BARHL1: variants seen among roughly 807,000 people sequenced by gnomAD.
BARHL1 encodes BarH like homeobox 1.
A neutral mutation model predicts 20.1 loss-of-function variants in BARHL1; 2 were observed. That is an observed-to-expected ratio of 0.10 (90% CI 0.04 to 0.31). The LOEUF (loss-of-function observed/expected upper bound fraction) is 0.31. Ranked by LOEUF, BARHL1 falls within the 10% of genes least tolerant of loss-of-function variation. The pLI is 1.00. For synonymous variants in BARHL1, 213 were observed against 209.9 expected (o/e 1.01, Z -0.13); for missense variants, 397 against 454.0 (o/e 0.87, Z 1.14).
At chr9:132,588,583 G>T (rs1830172130) in intron 2 of BARHL1, among the ~76,000 whole-genome samples, 1 of 152,060 alleles carries the variant, frequency 6.6e-6, no homozygotes, top group Non-Finnish European at 1.5e-5. Context: ...CCAGGCCGTT[G>T]GCTGGCCAAG....
chr9:132,587,957 C>T lies in BARHL1; in HGVS notation c.689+406C>T, dbSNP rs7849989. 0.021 allele frequency among the ~76,000 whole-genome samples: 3,166 copies of T among 152,302 alleles called. 107 individuals carry two copies. Among genetic ancestry groups the T allele is most frequent in the African/African-American group, 0.073 (3,015 of 41,546 alleles). ...CCAGGAAGCCTGTGAAGAGGACGGCCAGGCAGTGGCCCTTGGGGTGTTGAA... is the reference window on the plus strand; with the variant it reads ...CCAGGAAGCCTGTGAAGAGGACGGCTAGGCAGTGGCCCTTGGGGTGTTGAA... On this transcript the variant is annotated intron_variant, in intron 2 of 2. Coordinates refer to ENST00000263610, the MANE Select transcript of BARHL1 (RefSeq NM_020064.4). The surrounding 1 kb of genome is among the most constrained non-coding windows in gnomAD (Gnocchi z 5.5).
intron 1 of BARHL1, among the ~76,000 whole-genome samples, chr9:132,584,875 G>A (rs937998705): frequency 6.6e-6 from 1 of 152,202 alleles, no homozygotes; most frequent in South Asian, 2.1e-4. Flanking sequence ...GGAGGAGGAA[G>A]GAGGGGGAAG....
At chr9:132,584,984 C>G (rs1313149139) in intron 1 of BARHL1, among the ~76,000 whole-genome samples, 1 of 152,246 alleles carries the variant, frequency 6.6e-6, no homozygotes, top group Non-Finnish European at 1.5e-5. Flanking sequence ...AATCTTCCAC[C>G]GCCCATGCTA....
chr9:132,589,520 T>G lies in BARHL1; in HGVS notation c.982T>G (p.Ter328GlyextTer22). The change falls in exon 3 of 3, where the codon TGA (stop) becomes GGA (glycine). Residue 328 changes from the stop codon to glycine (G), a stop_lost. Transcript: ENST00000263610. The stretch of plus-strand genomic sequence containing the variant: ...CCTCCCACGCGCCGCGCAGCCTCGG[T>G]GAGGCGCCCGTCGGCTCCGGGGCCT... The part of the protein sequence containing the change: ...GVLPRAAQPR[*>G] 2 of 1,323,248 alleles carry G rather than the reference T, an allele frequency of 1.5e-6. No individual in the cohort carries two copies. Among genetic ancestry groups the G allele is most frequent in the Non-Finnish European group, 1.9e-6 (2 of 1,040,496 alleles). The allele number at this position is 1,323,248 out of a possible 1,614,324, so 82.0% of individuals were successfully genotyped here.
At chr9:132,586,403 A>G (rs1244350112) in intron 1 of BARHL1, among the ~76,000 whole-genome samples, 1 of 152,222 alleles carries the variant, frequency 6.6e-6, no homozygotes. Flanking sequence ...GTGAGCATTG[A>G]GCTTGTTCGA....
chr9:132,585,461 C>A (rs1174951351), intron 1 of BARHL1, among the ~76,000 whole-genome samples: 2 of 152,186 alleles, frequency 1.3e-5, no homozygotes, highest in African/African-American at 4.8e-5. Context: ...GCTCTTCAAA[C>A]AATATTTATT....
chr9:132,589,401 C>T lies in BARHL1; in HGVS notation c.863C>T (p.Pro288Leu). 6.2e-7 allele frequency: 1 copy of T among 1,612,514 alleles called. No individual in the cohort carries two copies. The highest frequency in any genetic ancestry group is 8.5e-7 in the Non-Finnish European group (1 of 1,179,712). ...YLYRGPSAPP[P>L]ALQRPLVPRI... is the part of the protein sequence containing the mutation. Reference sequence around the variant, plus strand: ...TACCGCGGCCCCAGCGCGCCGCCGCCTGCTCTCCAGAGACCTCTGGTGCCC... The same window carrying T: ...TACCGCGGCCCCAGCGCGCCGCCGCTTGCTCTCCAGAGACCTCTGGTGCCC... The change falls in exon 3 of 3, where the codon CCT becomes CTT. Residue 288 changes from proline to leucine, a missense_variant. Coordinates refer to ENST00000263610, the MANE Select transcript of BARHL1 (RefSeq NM_020064.4).
In BARHL1 at chr9:132,583,094, G is replaced by A. The variant is rs770354899; in HGVS notation, c.297G>A (p.Arg99=). The change falls in exon 1 of 3, where the codon AGG becomes AGA. Residue 99 remains arginine (R), a synonymous_variant. Coordinates refer to ENST00000263610, the MANE Select transcript of BARHL1 (RefSeq NM_020064.4). Reference sequence around the variant, plus strand: ...CCGTCACCTCCTCCTTTCTGATCAGGGACATCCTTGCCGACTGCAAACCAC... The same window carrying A: ...CCGTCACCTCCTCCTTTCTGATCAGAGACATCCTTGCCGACTGCAAACCAC... ...SRTVTSSFLI[R]DILADCKPLA... 1.2e-6 allele frequency: 2 copies of A among 1,613,888 alleles called. No individual in the cohort carries two copies. The highest frequency in any genetic ancestry group is 1.1e-5 in the South Asian group (1 of 91,086).
At chr9:132,584,409 C>T (rs1420617372) in intron 1 of BARHL1, among the ~76,000 whole-genome samples, 2 of 152,066 alleles carry the variant, frequency 1.3e-5, no homozygotes, top group Non-Finnish European at 2.9e-5. Context: ...ATAATTGATT[C>T]CCAGAAATCT....
At position 132,589,738 on chromosome 9, in the gene BARHL1, T is replaced by G. The variant is rs901911676; in HGVS notation, c.*216T>G. 1 of 565,190 alleles carries G rather than the reference T, an allele frequency of 1.8e-6. No homozygotes were observed. The highest frequency in any genetic ancestry group is 2.6e-6 in the Non-Finnish European group (1 of 391,390). 35.0% of individuals were successfully genotyped at this position (565,190 alleles called of 1,614,324 possible). On this transcript the variant is annotated 3_prime_UTR_variant, in exon 3 of 3. Transcript: ENST00000263610. ...CCCCAGCCCCCCTCGGCGTCCTCTC[T>G]CGCGGCCGCTCTGTCCGGGAGCCAT...
chr9:132,583,645 G>C (rs576799070), intron 1 of BARHL1, among the ~76,000 whole-genome samples: 4 of 152,218 alleles, frequency 2.6e-5, no homozygotes, highest in African/African-American at 9.7e-5. Context: ...AGACTGAAAG[G>C]GTTCTGCTTT....
rs979678170 is a variant in BARHL1 at position 132,583,092 on chromosome 9, A to C, written c.295A>C (p.Arg99=). 3.7e-6 allele frequency: 6 copies of C among 1,613,770 alleles called. No individual in the cohort carries two copies. The African/African-American group carries it at 8.0e-5, about 22-fold the overall frequency. ...SRTVTSSFLI[R]DILADCKPLA... is the part of the protein sequence containing the mutation. ...CACCGTCACCTCCTCCTTTCTGATC[A>C]GGGACATCCTTGCCGACTGCAAACC... The change falls in exon 1 of 3, where the codon AGG becomes CGG. Residue 99 remains arginine, a synonymous_variant. Transcript: ENST00000263610.
In BARHL1 at chr9:132,582,989, A is replaced by T; in HGVS notation, c.192A>T (p.Pro64=). The change falls in exon 1 of 3, where the codon CCA becomes CCT. Residue 64 remains proline, a synonymous_variant. Transcript: ENST00000263610. ...GGGACTGTTTGGAGACGGGGACCCC[A>T]CGGCCTGGCGGGGCATCCGGCCCAG... ...PGRDCLETGT[P]RPGGASGPGL... is the part of the protein sequence containing the mutation. 1 of 1,613,750 alleles carries T rather than the reference A, an allele frequency of 6.2e-7. No individual in the cohort carries two copies. Among genetic ancestry groups the T allele is most frequent in the South Asian group, 1.1e-5 (1 of 91,076 alleles).
At position 132,589,609 on chromosome 9, in the gene BARHL1, T is replaced by C. The variant is rs1023320773; in HGVS notation, c.*87T>C. The C allele has an allele frequency of 1.6e-6, 2 of 1,231,382 alleles. No homozygotes were observed. Among genetic ancestry groups the C allele is most frequent in the African/African-American group, 3.2e-5 (2 of 63,396 alleles). The allele number at this position is 1,231,382 out of a possible 1,614,324, so 76.3% of individuals were successfully genotyped here. A position where few individuals can be genotyped will look rare whatever the true frequency, so the allele number is the denominator to read the frequency against. ...TCTGAGGGCGCAGGTTCGACGCCCT[T>C]TCCCGGGAGGGGGCCCTGCCCGGCC... On this transcript the variant is annotated 3_prime_UTR_variant, in exon 3 of 3. Transcript: ENST00000263610.
Position 132,587,656 on chromosome 9 carries a change from A to T in BARHL1, c.689+105A>T. On this transcript the variant is annotated intron_variant, in intron 2 of 2. Coordinates refer to ENST00000263610, the MANE Select transcript of BARHL1 (RefSeq NM_020064.4). This position sits in a 1 kb window ranked among gnomAD's most constrained non-coding sequence, Gnocchi z 5.5. ...CAGGTTGGTGCTAAGGGAGGGCCCC[A>T]GAGCCTCCCCCATTCTGTAAAAGTG... The T allele has an allele frequency of 1.8e-6, 2 of 1,093,288 alleles. No homozygotes were observed. The highest frequency in any genetic ancestry group is 2.6e-6 in the Non-Finnish European group (2 of 761,604). The allele number at this position is 1,093,288 out of a possible 1,614,324, so 67.7% of individuals were successfully genotyped here.
rs184091280 is a variant in BARHL1 at position 132,583,693 on chromosome 9, C to T, written c.466+430C>T. On this transcript the variant is annotated intron_variant, in intron 1 of 2. Coordinates refer to ENST00000263610, the MANE Select transcript of BARHL1 (RefSeq NM_020064.4). ...TACAGCAGAAAAATTTCAGCTGGAG[C>T]CCTGAGAACCGTCAGAATTTTCTGC... Among the ~76,000 whole-genome samples, 8 of 152,310 alleles carry T rather than the reference C, an allele frequency of 5.3e-5. No individual in the cohort carries two copies. In the East Asian group the frequency reaches 5.8e-4, roughly 11 times the overall value.
In BARHL1 at chr9:132,589,384, C is replaced by A. The variant is rs751536490; in HGVS notation, c.846C>A (p.Gly282=). 1 of 1,612,652 alleles carries A rather than the reference C, an allele frequency of 6.2e-7. No individual in the cohort carries two copies. Among genetic ancestry groups the A allele is most frequent in the Non-Finnish European group, 8.5e-7 (1 of 1,179,744 alleles). The change falls in exon 3 of 3, where the codon GGC becomes GGA. Residue 282 remains glycine, a synonymous_variant. Coordinates refer to ENST00000263610, the MANE Select transcript of BARHL1 (RefSeq NM_020064.4). ...DPGAALYLYR[G]PSAPPPALQR... is the part of the protein sequence containing the mutation. ...GCGCGGCGCTCTACCTGTACCGCGGCCCCAGCGCGCCGCCGCCTGCTCTCC... is the reference window on the plus strand; with the variant it reads ...GCGCGGCGCTCTACCTGTACCGCGGACCCAGCGCGCCGCCGCCTGCTCTCC...
Position 132,587,583 on chromosome 9 carries a change from A to C in BARHL1, c.689+32A>C. 6.4e-7 allele frequency: 1 copy of C among 1,570,872 alleles called. No individual in the cohort carries two copies. The highest frequency in any genetic ancestry group is 8.7e-7 in the Non-Finnish European group (1 of 1,155,220). ...CCTGGCTGCGGGGGTAGAGGCAGAA[A>C]GGGAACTTCCCCTTTCCTCACAGCT... On this transcript the variant is annotated intron_variant, in intron 2 of 2. Coordinates refer to ENST00000263610, the MANE Select transcript of BARHL1 (RefSeq NM_020064.4). This position sits in a 1 kb window ranked among gnomAD's most constrained non-coding sequence, Gnocchi z 5.5.
intron 1 of BARHL1, among the ~76,000 whole-genome samples, chr9:132,583,882 C>T (rs1356736232): frequency 1.3e-5 from 2 of 152,170 alleles, no homozygotes; most frequent in Admixed American, 1.3e-4. Flanking sequence ...GTGCAGAGGG[C>T]AGTACCCTGC....
Sources: gnomAD v4.1 joint callset for allele counts (sites outside exome capture counted in the v4.1 genomes callset) on GRCh38, gnomAD v4.1.1 for gene constraint, Gnocchi (gnomAD v3.1) non-coding constraint, MANE v1.5 for transcripts, NCBI Gene and HGNC (gene_info 2026-07-23, HGNC 2026-07-21) for gene names.